ZDHHC14: variants seen among roughly 807,000 people sequenced by gnomAD.
The protein encoded by ZDHHC14 is zDHHC palmitoyltransferase 14.
Under a neutral mutation model 47.7 loss-of-function variants are expected in ZDHHC14, and 16 were observed. The ratio of observed to expected loss-of-function variants is 0.34; its 90% CI spans 0.23 to 0.51. The LOEUF (loss-of-function observed/expected upper bound fraction) is 0.51. ZDHHC14 is among the 20% of genes least tolerant of loss of function. The pLI, the probability that ZDHHC14 is intolerant of heterozygous loss-of-function variation, is 0.97. For missense variants in ZDHHC14, 515 were observed against 662.5 expected (o/e 0.78, Z 2.44); for synonymous variants, 293 against 278.9 (o/e 1.05, Z -0.50).
intron 3 of ZDHHC14, among the ~76,000 whole-genome samples, chr6:157,607,687 G>T (rs946660337): frequency 6.6e-6 from 1 of 152,140 alleles, no homozygotes; most frequent in Non-Finnish European, 1.5e-5. Flanking sequence ...CTGTTTAAAC[G>T]TTGGAGAGCC....
intron 1 of ZDHHC14, among the ~76,000 whole-genome samples, chr6:157,511,256 C>G (rs565926951): frequency 6.6e-6 from 1 of 152,190 alleles, no homozygotes; most frequent in Non-Finnish European, 1.5e-5. Context: ...GGAGAGGAAT[C>G]GCCCGCACCT....
chr6:157,394,589 C>T (rs900668952), intron 1 of ZDHHC14, among the ~76,000 whole-genome samples: 10 of 152,330 alleles, frequency 6.6e-5, no homozygotes, highest in African/African-American at 2.2e-4. Context: ...TGAACCTTCA[C>T]GTGCTTTGAC....
chr6:157,613,591 C>T lies in ZDHHC14; in HGVS notation c.566-14758C>T, dbSNP rs1022075505. ...GGGATGGCACATTTAGCATGCCACACGATAGGCACCTGTTGGCCTGCCTTC... is the reference window on the plus strand; with the variant it reads ...GGGATGGCACATTTAGCATGCCACATGATAGGCACCTGTTGGCCTGCCTTC... On this transcript the variant is annotated intron_variant, in intron 3 of 8. Coordinates refer to ENST00000359775, the MANE Select transcript of ZDHHC14 (RefSeq NM_024630.3). Among the ~76,000 whole-genome samples the T allele has an allele frequency of 1.1e-4, 16 of 152,306 alleles. No individual in the cohort carries two copies. The South Asian group carries it at 1.2e-3, about 12-fold the overall frequency.
At chr6:157,617,098 A>G (rs1012173691) in intron 3 of ZDHHC14, among the ~76,000 whole-genome samples, 2 of 152,190 alleles carry the variant, frequency 1.3e-5, no homozygotes, top group Admixed American at 1.3e-4. Flanking sequence ...GAGCATATAC[A>G]GGGGAACACC....
At chr6:157,625,813 C>T (rs1169025854) in intron 3 of ZDHHC14, among the ~76,000 whole-genome samples, 1 of 151,996 alleles carries the variant, frequency 6.6e-6, no homozygotes, top group East Asian at 1.9e-4. Context: ...CCACTAAAAT[C>T]CCAGAAATAG....
intron 1 of ZDHHC14, among the ~76,000 whole-genome samples, chr6:157,480,274 C>T (rs866211085): frequency 2.2e-3 from 222 of 99,410 alleles, no homozygotes; most frequent in Non-Finnish European, 2.5e-3. Context: ...TTTTTTTTTG[C>T]TTTTTTTTTT....
rs552358781 is a variant in ZDHHC14 at position 157,488,822 on chromosome 6, G to A, written c.246-53763G>A. Among the ~76,000 whole-genome samples the A allele has an allele frequency of 5.3e-5, 8 of 152,308 alleles. 1 individual carries two copies. The South Asian group carries it at 1.2e-3, about 24-fold the overall frequency. On this transcript the variant is annotated intron_variant, in intron 1 of 8. Coordinates refer to ENST00000359775, the MANE Select transcript of ZDHHC14 (RefSeq NM_024630.3). ...GAATGGGCTTATCTGCCAGGCGCAG[G>A]GCACCCCGCCCCCCTTCCCAGGAGT... is the stretch of plus-strand genomic sequence containing the variant.
chr6:157,425,975 C>T (rs1778209249), intron 1 of ZDHHC14, among the ~76,000 whole-genome samples: 1 of 152,180 alleles, frequency 6.6e-6, no homozygotes, highest in Admixed American at 6.5e-5. Flanking sequence ...TAGGCACTTC[C>T]TCACAGAAGT....
chr6:157,625,920 G>A (rs9355826), intron 3 of ZDHHC14, among the ~76,000 whole-genome samples: 23,601 of 151,972 alleles, frequency 0.16, 2,399 homozygotes, highest in East Asian at 0.54. Flanking sequence ...TCTCTAAGAC[G>A]GCGCTGGTTT....
intron 5 of ZDHHC14, among the ~76,000 whole-genome samples, chr6:157,639,670 G>T (rs1021943836): frequency 6.6e-6 from 1 of 152,152 alleles, no homozygotes; most frequent in East Asian, 1.9e-4. Context: ...AGGCCCCCAC[G>T]GGGGAAATCG....
intron 1 of ZDHHC14, among the ~76,000 whole-genome samples, chr6:157,478,790 G>T (rs1484499967): frequency 6.6e-6 from 1 of 152,196 alleles, no homozygotes; most frequent in African/African-American, 2.4e-5. Context: ...TTCAGCCAGT[G>T]TCCATTATAT....
chr6:157,583,267 C>T (rs1783577959), intron 2 of ZDHHC14, among the ~76,000 whole-genome samples: 2 of 152,042 alleles, frequency 1.3e-5, no homozygotes, highest in Admixed American at 6.6e-5. Context: ...GGAACTAATG[C>T]AATTGTTTGG....
intron 2 of ZDHHC14, among the ~76,000 whole-genome samples, chr6:157,580,093 G>C (rs2217446): frequency 0.27 from 40,722 of 152,056 alleles, 6,577 homozygotes; most frequent in African/African-American, 0.46. Flanking sequence ...GTTTTTAACA[G>C]GAAGAGATGT....
chr6:157,606,627 G>T (rs889794626), intron 3 of ZDHHC14, among the ~76,000 whole-genome samples: 1 of 152,232 alleles, frequency 6.6e-6, no homozygotes, highest in East Asian at 1.9e-4. Context: ...CAAGAAGCCG[G>T]GTGGGTGATC....
chr6:157,458,849 A>ATTTTTTTTTTGTTTTTTTTTTT (rs1778992571), intron 1 of ZDHHC14, among the ~76,000 whole-genome samples: 1 of 81,226 alleles, frequency 1.2e-5, no homozygotes, highest in Admixed American at 1.7e-4. Context: ...ATGTGGGTGG[A>ATTTTTTTTTTGTTTTTTTTTTT]TTTTTTTTTT....
intron 1 of ZDHHC14, among the ~76,000 whole-genome samples, chr6:157,511,981 G>A (rs935110871): frequency 2.0e-4 from 30 of 152,136 alleles, no homozygotes; most frequent in Non-Finnish European, 4.1e-4. Flanking sequence ...TAGAACTGGA[G>A]CATGAACAAC....
intron 1 of ZDHHC14, among the ~76,000 whole-genome samples, chr6:157,488,573 C>T (rs1464612548): frequency 6.6e-6 from 1 of 152,178 alleles, no homozygotes; most frequent in African/African-American, 2.4e-5. Flanking sequence ...TCTCAGATGG[C>T]CACAAGGCTT....
intron 8 of ZDHHC14, 87 bp from the exon 9 acceptor site, chr6:157,672,637 C>CCCCCCGG: frequency 3.2e-6 from 1 of 313,444 alleles, no homozygotes. Context: ...CCACCCTCCC[C>CCCCCCGG]GCCCGTGCCC....
chr6:157,546,088 G>A (rs1781961985), intron 2 of ZDHHC14, among the ~76,000 whole-genome samples: 1 of 152,208 alleles, frequency 6.6e-6, no homozygotes, highest in African/African-American at 2.4e-5. Context: ...GGCAGAGCTG[G>A]TACAATGTCT....
Sources: gnomAD v4.1 joint callset for allele counts (sites outside exome capture counted in the v4.1 genomes callset) on GRCh38, gnomAD v4.1.1 for gene constraint, MANE v1.5 for transcripts, NCBI Gene and HGNC (gene_info 2026-07-23, HGNC 2026-07-21) for gene names.